SH2B1: variants seen among roughly 807,000 people sequenced by gnomAD.
SH2B1 encodes SH2B adapter protein 1.
In SH2B1, 15 loss-of-function variants were observed where a neutral mutation model predicts 62.6. The observed-to-expected ratio is 0.24, with a 90% CI of 0.16 to 0.37. SH2B1 has a LOEUF of 0.37. SH2B1 is among the 10% of genes least tolerant of loss of function. The probability of loss-of-function intolerance (pLI) is 1.00; values close to 1 mark genes in which losing one functional copy is unlikely to be tolerated. For missense variants in SH2B1, 925 were observed against 1,015.6 expected (o/e 0.91, Z 1.21); for synonymous variants, 443 against 438.0 (o/e 1.01, Z -0.14).
chr16:28,853,438 C>T (rs923406412), intron 1 of SH2B1, among the ~76,000 whole-genome samples: 1 of 149,888 alleles, frequency 6.7e-6, no homozygotes, highest in Non-Finnish European at 1.5e-5. Context: ...CTCCTGACCT[C>T]ATGATCCGCC....
intron 1 of SH2B1, among the ~76,000 whole-genome samples, chr16:28,847,816 C>CTTTTTTTT (rs34950443): frequency 2.4e-5 from 2 of 84,244 alleles, no homozygotes; most frequent in Non-Finnish European, 2.2e-5. Context: ...AAGACCCCAT[C>CTTTTTTTT]TTTTTTTTTT....
At chr16:28,867,265 T>C in intron 1 of SH2B1, 66 bp from the exon 2 acceptor site, 1 of 1,355,550 alleles carries the variant, frequency 7.4e-7, no homozygotes, top group Non-Finnish European at 1.1e-6. Context: ...GATGAATGTC[T>C]GGAGGGAGGG....
intron 1 of SH2B1, among the ~76,000 whole-genome samples, chr16:28,851,019 C>T (rs1280319168): frequency 6.8e-6 from 1 of 147,996 alleles, no homozygotes; most frequent in Non-Finnish European, 1.5e-5. Flanking sequence ...TAAAAAAATA[C>T]AAAAATTAGC....
intron 1 of SH2B1, among the ~76,000 whole-genome samples, chr16:28,855,499 G>A (rs1040919621): frequency 1.3e-5 from 2 of 152,142 alleles, no homozygotes; most frequent in African/African-American, 4.8e-5. Flanking sequence ...GGGAGTACAG[G>A]CATGAGCCAC....
intron 4 of SH2B1, among the ~76,000 whole-genome samples, chr16:28,870,887 A>G (rs1273458873): frequency 6.6e-6 from 1 of 151,950 alleles, no homozygotes; most frequent in Non-Finnish European, 1.5e-5. Context: ...GGGTCTCACC[A>G]TGTTGCCCAA....
intron 1 of SH2B1, among the ~76,000 whole-genome samples, chr16:28,849,034 TTC>T (rs1962043543): frequency 6.6e-6 from 1 of 152,310 alleles, no homozygotes; most frequent in Middle Eastern, 3.4e-3. Flanking sequence ...TTGCTAAGAC[TTC>T]TCTCTTCCTG....
chr16:28,863,931 G>A lies in SH2B1; in HGVS notation c.-2164G>A. The stretch of plus-strand genomic sequence containing the variant: ...GCCGCCGCCGCCGGAGCTAACCTCG[G>A]GGACCGAGATGCAGGTGGGACCGGA... On this transcript the variant is annotated 5_prime_UTR_variant, in exon 1 of 8. Coordinates refer to ENST00000684370, the MANE Select transcript of SH2B1 (RefSeq NM_001387430.1). 4.7e-6 allele frequency: 7 copies of A among 1,483,844 alleles called. No homozygotes were observed. The highest frequency in any genetic ancestry group is 6.2e-6 in the Non-Finnish European group (7 of 1,124,016). 91.9% of individuals were successfully genotyped at this position (1,483,844 alleles called of 1,614,324 possible).
Position 28,864,791 on chromosome 16 carries a change from A to C in SH2B1, c.-1304A>C, listed in dbSNP as rs1156999745. ...AGGGCTCCTCCTTTCTCTAATTTCT[A>C]TTTTAGAAAATTGGAACAATAATAT... On this transcript the variant is annotated 5_prime_UTR_variant, in exon 1 of 8. Coordinates refer to ENST00000684370, the MANE Select transcript of SH2B1 (RefSeq NM_001387430.1). 2 of 407,644 alleles carry C rather than the reference A, an allele frequency of 4.9e-6. No homozygotes were observed. The highest frequency in any genetic ancestry group is 6.6e-6 in the Non-Finnish European group (2 of 302,146). The allele number at this position is 407,644 out of a possible 1,614,324, so 25.3% of individuals were successfully genotyped here. A position where few individuals can be genotyped will look rare whatever the true frequency, so the allele number is the denominator to read the frequency against.
chr16:28,851,982 G>A (rs901920443), intron 1 of SH2B1, among the ~76,000 whole-genome samples: 2 of 149,132 alleles, frequency 1.3e-5, no homozygotes, highest in African/African-American at 4.9e-5. Context: ...CAGAAGAATC[G>A]CTTGAACCCA....
chr16:28,853,733 C>T (rs1376831567), intron 1 of SH2B1, among the ~76,000 whole-genome samples: 1 of 151,528 alleles, frequency 6.6e-6, no homozygotes, highest in East Asian at 2.0e-4. Flanking sequence ...GGTGCGGTGG[C>T]TCATGCCTGT....
At chr16:28,868,824 C>T (rs1048289092) in intron 2 of SH2B1, among the ~76,000 whole-genome samples, 182 bp from the exon 3 acceptor site, 2 of 151,678 alleles carry the variant, frequency 1.3e-5, no homozygotes, top group African/African-American at 4.8e-5. Context: ...TGGTCCAACT[C>T]CTGGGCTCAA....
chr16:28,872,518 C>T lies in SH2B1; in HGVS notation c.1726-16C>T, dbSNP rs931687194. 4.4e-6 allele frequency: 7 copies of T among 1,603,024 alleles called. No individual in the cohort carries two copies. Among genetic ancestry groups the T allele is most frequent in the African/African-American group, 2.7e-5 (2 of 74,772 alleles). ...GGCCTTTGCCTCCTACCTCACCTCC[C>T]CCATCCCGCCCTCAGCACCTGCGTT... On this transcript the variant is annotated splice_polypyrimidine_tract_variant and intron_variant, in intron 6 of 7. Coordinates refer to ENST00000684370, the MANE Select transcript of SH2B1 (RefSeq NM_001387430.1). This position sits in a 1 kb window ranked among gnomAD's most constrained non-coding sequence, Gnocchi z 5.3.
chr16:28,856,301 C>CA (rs1432223124), intron 1 of SH2B1, among the ~76,000 whole-genome samples: 1 of 149,250 alleles, frequency 6.7e-6, no homozygotes, highest in South Asian at 2.1e-4. Context: ...CACACACACA[C>CA]AAAAAAGTGC....
Position 28,865,889 on chromosome 16 carries a change from C to A in SH2B1, c.-206C>A, listed in dbSNP as rs1962654191. On this transcript the variant is annotated 5_prime_UTR_variant, in exon 1 of 8. Coordinates refer to ENST00000684370, the MANE Select transcript of SH2B1 (RefSeq NM_001387430.1). Reference sequence around the variant, plus strand: ...GAGAGGGAAGGGAGGTGTTGGGCTCCCTTCCCCATTGCTCTCTGCGGAGTC... The same window carrying A: ...GAGAGGGAAGGGAGGTGTTGGGCTCACTTCCCCATTGCTCTCTGCGGAGTC... The A allele has an allele frequency of 5.2e-6, 7 of 1,355,182 alleles. No homozygotes were observed. In the South Asian group the frequency reaches 7.7e-5, roughly 15 times the overall value. The allele number at this position is 1,355,182 out of a possible 1,614,324, so 83.9% of individuals were successfully genotyped here. A position where few individuals can be genotyped will look rare whatever the true frequency, so the allele number is the denominator to read the frequency against.
At chr16:28,867,507 C>A in intron 2 of SH2B1, 75 bp downstream of exon 2, 1 of 1,139,034 alleles carries the variant, frequency 8.8e-7, no homozygotes, top group Non-Finnish European at 1.3e-6. Flanking sequence ...AAGCAAGTGG[C>A]GTCGCCGAAA....
chr16:28,853,093 CATATATATTTATATATACATTT>C (rs1962237624), intron 1 of SH2B1, among the ~76,000 whole-genome samples: 1 of 104,502 alleles, frequency 9.6e-6, no homozygotes, highest in South Asian at 2.7e-4. Context: ...TATATTTATA[CATATATATTTATATATACATTT>C]ATATATATTT....
At position 28,866,074 on chromosome 16, in the gene SH2B1, C is replaced by T. The variant is rs372347857; in HGVS notation, c.-21C>T. The T allele has an allele frequency of 1.3e-4, 203 of 1,519,182 alleles. No individual in the cohort carries two copies. Among genetic ancestry groups the T allele is most frequent in the Non-Finnish European group, 1.3e-4 (144 of 1,139,842 alleles). The allele number at this position is 1,519,182 out of a possible 1,614,324, so 94.1% of individuals were successfully genotyped here. ...TCTTTGTGCCCCACAGGCTCCCCCT[C>T]TCCACCTCCTGGGGCCCATCATGAA... is the stretch of plus-strand genomic sequence containing the variant. On this transcript the variant is annotated 5_prime_UTR_variant, in exon 1 of 8. Transcript: ENST00000684370. This position sits in a 1 kb window ranked among gnomAD's most constrained non-coding sequence, Gnocchi z 6.3.
chr16:28,856,352 G>A (rs1175481599), intron 1 of SH2B1, among the ~76,000 whole-genome samples: 1 of 151,426 alleles, frequency 6.6e-6, no homozygotes, highest in Admixed American at 6.6e-5. Context: ...AGGATTTATT[G>A]AATCATTTCA....
intron 2 of SH2B1, 114 bp from the exon 3 acceptor site, chr16:28,868,892 G>A (rs1018530255): frequency 2.9e-5 from 24 of 833,592 alleles, no homozygotes; most frequent in Non-Finnish European, 5.0e-5. Flanking sequence ...GGCCTCCAGA[G>A]AGAATTCGAA....
Sources: allele counts gnomAD v4.1 joint callset (sites outside exome capture counted in the v4.1 genomes callset), GRCh38; gene constraint gnomAD v4.1.1; non-coding constraint Gnocchi (gnomAD v3.1); transcripts MANE v1.5; gene names NCBI Gene and HGNC (gene_info 2026-07-23, HGNC 2026-07-21).